ASPG: variants seen among roughly 807,000 people sequenced by gnomAD.
ASPG encodes the protein 60 kDa lysophospholipase.
ASPG carries 53 observed loss-of-function variants against 63.2 expected under a neutral mutation model. That is an observed-to-expected ratio of 0.84 (90% CI 0.67 to 1.05). The LOEUF (loss-of-function observed/expected upper bound fraction) is 1.05. Ranked by LOEUF, ASPG falls within the 50% of genes least tolerant of loss-of-function variation. The pLI is 0.00. For missense variants in ASPG, 741 were observed against 794.4 expected, an observed-to-expected ratio of 0.93 and a Z score of 0.81; for synonymous variants, 370 against 355.0, an observed-to-expected ratio of 1.04 and a Z score of -0.48.
intron 4 of ASPG, among the ~76,000 whole-genome samples, chr14:104,096,364 T>C (rs2036595563): frequency 6.6e-6 from 1 of 152,168 alleles, no homozygotes; most frequent in South Asian, 2.1e-4. Flanking sequence ...TTGGTGGCAG[T>C]TCCAGAAAGC....
At chr14:104,107,087 T>C (rs1276399259) in intron 11 of ASPG, 95 bp from the exon 12 acceptor site, 1 of 1,458,310 alleles carries the variant, frequency 6.9e-7, no homozygotes, top group Non-Finnish European at 9.2e-7. Context: ...GGGGCTGTGC[T>C]GGGCCCTACC....
chr14:104,088,001 C>T (rs2036265670), intron 1 of ASPG, among the ~76,000 whole-genome samples: 1 of 152,176 alleles, frequency 6.6e-6, no homozygotes, highest in South Asian at 2.1e-4. Flanking sequence ...TGCTCAGCAG[C>T]CCGTCCTCGT....
rs923494903 is a variant in ASPG at position 104,113,109 on chromosome 14, GT to G, written c.*566del. On this transcript the variant is annotated 3_prime_UTR_variant, in exon 16 of 16. Coordinates refer to ENST00000551177, the MANE Select transcript of ASPG (RefSeq NM_001080464.3). ...CGTCCCAGTTGCTGTCTGGTTTTCTGTCACCCCAGTATCGCTGCACCCGGCC... is the reference window on the plus strand; with the variant it reads ...CGTCCCAGTTGCTGTCTGGTTTTCTGCACCCCAGTATCGCTGCACCCGGCC... The G allele has an allele frequency of 3.9e-5, 7 of 181,578 alleles. No homozygotes were observed. Among genetic ancestry groups the G allele is most frequent in the Non-Finnish European group, 7.0e-5 (6 of 86,258 alleles). 11.2% of individuals were successfully genotyped at this position (181,578 alleles called of 1,614,324 possible).
At position 104,100,384 on chromosome 14, in the gene ASPG, C is replaced by T. The variant is rs376504541; in HGVS notation, c.640+1405C>T. On this transcript the variant is annotated intron_variant, in intron 6 of 15. Coordinates refer to ENST00000551177, the MANE Select transcript of ASPG (RefSeq NM_001080464.3). ...AAGACAAGGCCTGTGTGTGGGAGTC[C>T]GGGCTCGGTGGCTGACTTGCTTGTT... 1.1e-4 allele frequency among the ~76,000 whole-genome samples: 17 copies of T among 152,234 alleles called. No individual in the cohort carries two copies. The East Asian group carries it at 3.3e-3, about 29-fold the overall frequency.
In ASPG at chr14:104,109,877, G is replaced by C. The variant is rs887170516; in HGVS notation, c.1520+562G>C. 1 of 892,286 alleles carries C rather than the reference G, an allele frequency of 1.1e-6. No individual in the cohort carries two copies. Among genetic ancestry groups the C allele is most frequent in the African/African-American group, 1.8e-5 (1 of 55,364 alleles). The allele number at this position is 892,286 out of a possible 1,614,324, so 55.3% of individuals were successfully genotyped here. On this transcript the variant is annotated intron_variant, in intron 13 of 15. Coordinates refer to ENST00000551177, the MANE Select transcript of ASPG (RefSeq NM_001080464.3). This position sits in a 1 kb window ranked among gnomAD's most constrained non-coding sequence, Gnocchi z 4.8. ...GTGCCTTCCGATCTCATGCTGCCGAGTGACCACCGAGGCAGGCTCAGGCCT... is the reference window on the plus strand; with the variant it reads ...GTGCCTTCCGATCTCATGCTGCCGACTGACCACCGAGGCAGGCTCAGGCCT...
At chr14:104,108,373 C>A (rs1336306877) in intron 12 of ASPG, 8 of 979,240 alleles carry the variant, frequency 8.2e-6, no homozygotes, top group Middle Eastern at 5.2e-4. Flanking sequence ...ACAGTCCCGC[C>A]CCCTCGTCTC....
intron 3 of ASPG, 52 bp downstream of exon 3, chr14:104,093,654 AGGTGTGTGGGTGGGGCTGT>A (rs1293662063): frequency 5.3e-5 from 19 of 361,676 alleles, no homozygotes; most frequent in East Asian, 1.9e-4. Flanking sequence ...GGTGGGGCTG[AGGTGTGTGGGTGGGGCTGT>A]GGTGTGTGGG....
At chr14:104,105,050 G>A in intron 9 of ASPG, 1 of 589,962 alleles carries the variant, frequency 1.7e-6, no homozygotes, top group Non-Finnish European at 3.0e-6. Flanking sequence ...CGAGGGTGGG[G>A]TTCAGACACA....
chr14:104,111,576 A>G lies in ASPG; in HGVS notation c.1595A>G (p.Tyr532Cys), dbSNP rs2037384605. ...GGGGCTGACCTGGGGCAGCCGGGCT[A>G]TGACGGGCACAGCGCCCTGCACGTC... ...QAGADLGQPG[Y>C]DGHSALHVAE... The change falls in exon 14 of 16, where the codon TAT becomes TGT. Residue 532 changes from tyrosine (Y) to cysteine (C), a missense_variant. Transcript: ENST00000551177. The G allele has an allele frequency of 1.3e-6, 2 of 1,550,880 alleles. No individual in the cohort carries two copies. The highest frequency in any genetic ancestry group is 2.0e-5 in the Admixed American group (1 of 51,046).
intron 9 of ASPG, 32 bp downstream of exon 9, chr14:104,104,767 C>T (rs376813031): frequency 1.3e-5 from 20 of 1,537,572 alleles, no homozygotes; most frequent in South Asian, 6.0e-5. Context: ...GGGCAACCCT[C>T]GGTGTGCACA....
At chr14:104,105,064 G>T in intron 9 of ASPG, 1 of 595,246 alleles carries the variant, frequency 1.7e-6, no homozygotes, top group East Asian at 2.9e-5. Flanking sequence ...AGACACAGCT[G>T]GCCCCAGACC....
Position 104,103,601 on chromosome 14 carries a change from G to C in ASPG, c.679G>C (p.Gly227Arg). 3.2e-6 allele frequency: 5 copies of C among 1,548,174 alleles called. No individual in the cohort carries two copies. Among genetic ancestry groups the C allele is most frequent in the South Asian group, 1.2e-5 (1 of 83,972 alleles). The change falls in exon 7 of 16, where the codon GGG becomes CGG. Residue 227 changes from glycine (G) to arginine (R), a missense_variant. Physicochemically the swap from Gly to Arg is moderately radical, Grantham distance 125 (BLOSUM62 -2). Coordinates refer to ENST00000551177, the MANE Select transcript of ASPG (RefSeq NM_001080464.3). ...ELVRKVDGKA[G>R]LVVHSSMEQD... ...GGTGCGGAAGGTGGACGGGAAGGCT[G>C]GGCTGGTGGTGCACAGCAGCATGGA...
intron 10 of ASPG, among the ~76,000 whole-genome samples, chr14:104,105,885 G>T (rs1411546937): frequency 1.3e-5 from 2 of 152,180 alleles, no homozygotes; most frequent in African/African-American, 4.8e-5. Flanking sequence ...GACCTAGGAA[G>T]GGGGGCTTTC....
Position 104,095,592 on chromosome 14 carries a change from C to G in ASPG, c.365C>G (p.Ala122Gly), listed in dbSNP as rs1566827845. 6.2e-7 allele frequency: 1 copy of G among 1,613,254 alleles called. No homozygotes were observed. The highest frequency in any genetic ancestry group is 8.5e-7 in the Non-Finnish European group (1 of 1,179,822). ...VIHGTDTMAF[A>G]ASMLSFMLEN... Reference sequence around the variant, plus strand: ...CACGGCACCGACACCATGGCCTTTGCTGCCTCGATGCTGTCCTTCATGCTG... The same window carrying G: ...CACGGCACCGACACCATGGCCTTTGGTGCCTCGATGCTGTCCTTCATGCTG... Residue 122 changes from alanine to glycine, a missense_variant, in exon 4 of 16, where the codon GCT becomes GGT. By Grantham distance (60) the Ala-to-Gly change is moderately conservative (BLOSUM62 0). Transcript: ENST00000551177.
chr14:104,092,816 T>A, intron 2 of ASPG, 75 bp downstream of exon 2: 2 of 1,301,906 alleles, frequency 1.5e-6, no homozygotes, highest in Non-Finnish European at 2.1e-6. Context: ...TGGGCACTGC[T>A]GGCCAGGCCC....
intron 4 of ASPG, among the ~76,000 whole-genome samples, chr14:104,096,416 G>T (rs531806415): frequency 3.0e-4 from 46 of 152,266 alleles, no homozygotes; most frequent in African/African-American, 1.1e-3. Flanking sequence ...GAGCAGTCCG[G>T]GGAGGTGGCT....
At chr14:104,112,411 G>T in intron 15 of ASPG, 113 bp from the exon 16 acceptor site, 1 of 735,246 alleles carries the variant, frequency 1.4e-6, no homozygotes. Context: ...TCTCAAGCTG[G>T]GTTTGCTCAG....
Position 104,103,685 on chromosome 14 carries a change from GC to G in ASPG, c.753+14del, listed in dbSNP as rs1253511251. The G allele has an allele frequency of 4.5e-6, 7 of 1,543,052 alleles. No homozygotes were observed. The highest frequency in any genetic ancestry group is 3.9e-5 in the Admixed American group (2 of 50,850). ...GATCCCTGCCGCCCTGGTAGGGACC[GC>G]CCCGGCCATCCTGCCCCTGCAGCCC... is the stretch of plus-strand genomic sequence containing the variant. On this transcript the variant is annotated intron_variant, in intron 7 of 15. Transcript: ENST00000551177.
At chr14:104,094,631 C>G (rs1462742764) in intron 3 of ASPG, among the ~76,000 whole-genome samples, 6 of 152,192 alleles carry the variant, frequency 3.9e-5, no homozygotes, top group Non-Finnish European at 8.8e-5. Context: ...TTCCCAGCAG[C>G]AGGGTGGCAG....
Sources: allele counts gnomAD v4.1 joint callset (sites outside exome capture counted in the v4.1 genomes callset), GRCh38; gene constraint gnomAD v4.1.1; non-coding constraint Gnocchi (gnomAD v3.1); transcripts MANE v1.5; gene names NCBI Gene and HGNC (gene_info 2026-07-23, HGNC 2026-07-21).